NUFIP2: variants seen among roughly 807,000 people sequenced by gnomAD.
The protein encoded by NUFIP2 is nuclear FMR1 interacting protein 2, also known as FMR1-interacting protein NUFIP2.
In NUFIP2, 6 loss-of-function variants were observed where a neutral mutation model predicts 56.9. That is an observed-to-expected ratio of 0.11 (90% CI 0.06 to 0.21). NUFIP2 has a LOEUF of 0.21. NUFIP2 is among the 10% of genes least tolerant of loss of function. The pLI is 1.00. For synonymous variants in NUFIP2, 321 were observed against 298.2 expected (o/e 1.08, Z -0.79); for missense variants, 828 against 826.8 (o/e 1.00, Z -0.02).
intron 1 of NUFIP2, among the ~76,000 whole-genome samples, chr17:29,291,020 C>T (rs1037047000): frequency 4.1e-5 from 6 of 145,446 alleles, no homozygotes; most frequent in Admixed American, 6.8e-5. Flanking sequence ...TGCTCCCGCC[C>T]GCAAGTTTTA....
Position 29,263,910 on chromosome 17 carries a change from C to T in NUFIP2, c.*629G>A, listed in dbSNP as rs1451751089. The T allele has an allele frequency of 7.2e-5, 11 of 152,574 alleles. No individual in the cohort carries two copies. Among genetic ancestry groups the T allele is most frequent in the Non-Finnish European group, 1.5e-5 (1 of 68,020 alleles). 9.5% of individuals were successfully genotyped at this position (152,574 alleles called of 1,614,324 possible). ...ATAAATGGAAAGAAATAAAGTATTT[C>T]CCCAACACCCCAGAGGCCGCTTAAC... On this transcript the variant is annotated 3_prime_UTR_variant, in exon 4 of 4. Transcript: ENST00000225388.
Position 29,285,973 on chromosome 17 carries a change from T to G in NUFIP2, c.2002+19A>C. On this transcript the variant is annotated intron_variant, in intron 2 of 3. Coordinates refer to ENST00000225388, the MANE Select transcript of NUFIP2 (RefSeq NM_020772.3). ...AAATTGGCCAATAAAAATCTTTGTA[T>G]AGGAAACAAATGAGTTACCTTTAGT... 6.4e-7 allele frequency: 1 copy of G among 1,564,868 alleles called. No individual in the cohort carries two copies.
intron 2 of NUFIP2, among the ~76,000 whole-genome samples, chr17:29,270,012 G>A (rs891196499): frequency 3.4e-4 from 51 of 151,944 alleles, no homozygotes; most frequent in Admixed American, 2.6e-3. Context: ...GAGCCACCGC[G>A]CCTGGCCAAG....
At chr17:29,285,604 C>A (rs983989111) in intron 2 of NUFIP2, among the ~76,000 whole-genome samples, 1 of 151,566 alleles carries the variant, frequency 6.6e-6, no homozygotes, top group Non-Finnish European at 1.5e-5. Flanking sequence ...AAAAAAAACA[C>A]AAAACAAAAC....
In NUFIP2 at chr17:29,294,065, G is replaced by A; in HGVS notation, c.-6C>T. ...TGGCCGGGCTTCTCCTCCATTGAAA[G>A]CGGCTGGGACTCCCTGGCTGAGGCT... On this transcript the variant is annotated 5_prime_UTR_variant, in exon 1 of 4. Transcript: ENST00000225388. 6.3e-7 allele frequency: 1 copy of A among 1,591,708 alleles called. No homozygotes were observed. Among genetic ancestry groups the A allele is most frequent in the Non-Finnish European group, 8.6e-7 (1 of 1,166,574 alleles).
intron 2 of NUFIP2, among the ~76,000 whole-genome samples, chr17:29,274,779 T>C (rs2069097221): frequency 6.6e-6 from 1 of 151,942 alleles, no homozygotes; most frequent in Admixed American, 6.6e-5. Context: ...ACAGAACAGA[T>C]GAAGTGACAA....
chr17:29,285,580 A>G (rs1669543604), intron 2 of NUFIP2, among the ~76,000 whole-genome samples: 1 of 151,924 alleles, frequency 6.6e-6, no homozygotes, highest in Non-Finnish European at 1.5e-5. Flanking sequence ...AGAGAGTGAG[A>G]CTCCATCTCA....
rs1398574295 is a variant in NUFIP2, at chr17:29,287,539, T to C, written c.455A>G (p.Lys152Arg). 6.2e-7 allele frequency: 1 copy of C among 1,614,154 alleles called. No homozygotes were observed. The highest frequency in any genetic ancestry group is 1.1e-5 in the South Asian group (1 of 91,088). ...NTFGKAGIKT[K>R]NFIQKNSMDK... Reference sequence around the variant, plus strand: ...CATACTGTTTTTCTGAATGAAATTCTTGGTTTTAATTCCTGCTTTCCCAAA... The same window carrying C: ...CATACTGTTTTTCTGAATGAAATTCCTGGTTTTAATTCCTGCTTTCCCAAA... The change falls in exon 2 of 4, where the codon AAG becomes AGG. Residue 152 changes from lysine (K) to arginine (R), a missense_variant. Transcript: ENST00000225388.
chr17:29,293,767 G>A lies in NUFIP2; in HGVS notation c.277+16C>T. On this transcript the variant is annotated intron_variant, in intron 1 of 3. Coordinates refer to ENST00000225388, the MANE Select transcript of NUFIP2 (RefSeq NM_020772.3). ...CACCCCCAACCCCCTTCCCCCACCC[G>A]TCCTCCCTCCCAGACCTGTTTTCTT... 2.6e-6 allele frequency: 1 copy of A among 382,472 alleles called. No individual in the cohort carries two copies. Among genetic ancestry groups the A allele is most frequent in the Non-Finnish European group, 4.1e-6 (1 of 243,702 alleles). 23.7% of individuals were successfully genotyped at this position (382,472 alleles called of 1,614,324 possible).
intron 2 of NUFIP2, among the ~76,000 whole-genome samples, chr17:29,273,113 C>T (rs1457481622): frequency 6.7e-6 from 1 of 148,544 alleles, no homozygotes; most frequent in African/African-American, 2.5e-5. Flanking sequence ...GATCTCGGCT[C>T]ACTGCAACCT....
At chr17:29,280,578 C>T (rs2153011951) in intron 2 of NUFIP2, among the ~76,000 whole-genome samples, 1 of 152,168 alleles carries the variant, frequency 6.6e-6, no homozygotes, top group South Asian at 2.1e-4. Flanking sequence ...CCCAGCTACA[C>T]AGGAGGCTGA....
Position 29,270,348 on chromosome 17 carries a change from G to A in NUFIP2, c.2003-2818C>T, listed in dbSNP as rs2069064519. Among the ~76,000 whole-genome samples, 4 of 148,112 alleles carry A rather than the reference G, an allele frequency of 2.7e-5. No individual in the cohort carries two copies. In the South Asian group the frequency reaches 8.6e-4, roughly 32 times the overall value. ...AGAAAAAAAAAAAAAAAAAGATGAC[G>A]ATCGGAAATTCTAGTCACAGAAATC... On this transcript the variant is annotated intron_variant, in intron 2 of 3. Transcript: ENST00000225388.
At chr17:29,285,846 T>A in intron 2 of NUFIP2, 146 bp downstream of exon 2, 1 of 609,160 alleles carries the variant, frequency 1.6e-6, no homozygotes, top group Non-Finnish European at 2.8e-6. Flanking sequence ...GGACCCTGAA[T>A]TAGTTTGACA....
intron 2 of NUFIP2, among the ~76,000 whole-genome samples, chr17:29,273,626 C>T (rs1486659381): frequency 3.3e-5 from 5 of 152,132 alleles, no homozygotes; most frequent in African/African-American, 1.2e-4. Context: ...AGGGCCAGAC[C>T]TAATAGAACG....
At chr17:29,266,358 C>T (rs1165786682) in intron 3 of NUFIP2, among the ~76,000 whole-genome samples, 1 of 151,984 alleles carries the variant, frequency 6.6e-6, no homozygotes. Flanking sequence ...ATTGGGAAAT[C>T]AGGGGAAGCT....
At chr17:29,265,267 G>A (rs1308234352) in intron 3 of NUFIP2, among the ~76,000 whole-genome samples, 2 of 151,212 alleles carry the variant, frequency 1.3e-5, no homozygotes, top group South Asian at 2.1e-4. Flanking sequence ...CTCTTCTGGA[G>A]GGGAACTGTT....
chr17:29,273,951 A>C (rs75835543), intron 2 of NUFIP2, among the ~76,000 whole-genome samples: 2 of 152,108 alleles, frequency 1.3e-5, no homozygotes, highest in South Asian at 2.1e-4. Context: ...TGAAAAAAAA[A>C]TACTACTCAC....
At position 29,286,275 on chromosome 17, in the gene NUFIP2, A is replaced by G. The variant is rs1441509070; in HGVS notation, c.1719T>C (p.Pro573=). Residue 573 remains proline, a synonymous_variant, in exon 2 of 4, where the codon CCT becomes CCC. Transcript: ENST00000225388. ...KAYELEKRTS[P]QVLGSILKSG... ...ATTTTAGAATGCTACCCAGAACTTG[A>G]GGACTAGTCCGTTTCTCCAGCTCGT... The G allele has an allele frequency of 1.2e-6, 2 of 1,614,108 alleles. No homozygotes were observed. Among genetic ancestry groups the G allele is most frequent in the Non-Finnish European group, 1.7e-6 (2 of 1,180,056 alleles).
chr17:29,278,761 T>TTTTAAC (rs1365356661), intron 2 of NUFIP2, among the ~76,000 whole-genome samples: 25 of 152,134 alleles, frequency 1.6e-4, no homozygotes, highest in Admixed American at 1.2e-3. Context: ...GGAAGTTAAA[T>TTTTAAC]TTTAACTTCC....
Sources: allele counts gnomAD v4.1 joint callset (sites outside exome capture counted in the v4.1 genomes callset), GRCh38; gene constraint gnomAD v4.1.1; transcripts MANE v1.5; gene names NCBI Gene and HGNC (gene_info 2026-07-23, HGNC 2026-07-21).